Variants in CDCP1 observed in about 807,000 individuals in gnomAD.
The protein encoded by CDCP1 is CUB domain containing protein 1, also known as CUB domain-containing protein 1.
Under a neutral mutation model 60.2 loss-of-function variants are expected in CDCP1, and 29 were observed. The observed-to-expected ratio is 0.48, with a 90% CI of 0.36 to 0.66. The LOEUF (loss-of-function observed/expected upper bound fraction) is 0.66. CDCP1 is among the 30% of genes least tolerant of loss of function. CDCP1 has a pLI of 0.00. For synonymous variants in CDCP1, 387 were observed against 431.1 expected, an observed-to-expected ratio of 0.90 and a Z score of 1.27; for missense variants, 876 against 1,074.3, an observed-to-expected ratio of 0.82 and a Z score of 2.58.
chr3:45,124,855 GAC>G (rs1319183881), intron 1 of CDCP1, among the ~76,000 whole-genome samples: 1 of 152,158 alleles, frequency 6.6e-6, no homozygotes, highest in Non-Finnish European at 1.5e-5. Flanking sequence ...ACCCCAAGGG[GAC>G]ACACACACCA....
intron 2 of CDCP1, among the ~76,000 whole-genome samples, chr3:45,116,999 A>G (rs1449576310): frequency 6.6e-6 from 1 of 152,084 alleles, no homozygotes; most frequent in Non-Finnish European, 1.5e-5. Flanking sequence ...TCTTTTTTCC[A>G]TGAGACTAGT....
chr3:45,133,319 C>CA (rs1699130552), intron 1 of CDCP1, among the ~76,000 whole-genome samples: 2 of 151,650 alleles, frequency 1.3e-5, no homozygotes, highest in African/African-American at 4.8e-5. Flanking sequence ...GAGAACCCAC[C>CA]CGTGCTGTAC....
intron 2 of CDCP1, among the ~76,000 whole-genome samples, chr3:45,116,538 A>G (rs1274666713): frequency 4.5e-4 from 69 of 152,306 alleles, no homozygotes; most frequent in Non-Finnish European, 5.9e-5. Flanking sequence ...TATCGTCTAC[A>G]GCAGATTTCA....
chr3:45,121,151 A>G (rs1242603195), intron 1 of CDCP1, among the ~76,000 whole-genome samples: 2 of 152,166 alleles, frequency 1.3e-5, no homozygotes, highest in African/African-American at 4.8e-5. Context: ...CCCATATTTT[A>G]CTTTCGGCTA....
rs1051123153 is a variant in CDCP1, at chr3:45,091,661, G to A, written c.1628-123C>T. 10 of 1,209,586 alleles carry A rather than the reference G, an allele frequency of 8.3e-6. No individual in the cohort carries two copies. Among genetic ancestry groups the A allele is most frequent in the African/African-American group, 4.6e-5 (3 of 65,138 alleles). The allele number at this position is 1,209,586 out of a possible 1,614,324, so 74.9% of individuals were successfully genotyped here. A position where few individuals can be genotyped will look rare whatever the true frequency, so the allele number is the denominator to read the frequency against. On this transcript the variant is annotated intron_variant, in intron 6 of 8. Transcript: ENST00000296129. This position sits in a 1 kb window ranked among gnomAD's most constrained non-coding sequence, Gnocchi z 4.8. ...AGCGCTGTCTAACCGAACTTTCTGC[G>A]ATGATGGAAATCTTCTAGATCTGCA...
At chr3:45,112,517 T>A in intron 2 of CDCP1, 72 bp from the exon 3 acceptor site, 2 of 1,559,302 alleles carry the variant, frequency 1.3e-6, no homozygotes, top group Non-Finnish European at 1.7e-6. Context: ...CCTCCACCAC[T>A]CAGCCCCCTG....
Position 45,118,576 on chromosome 3 carries a change from A to T in CDCP1, c.128T>A (p.Leu43His). ...ALPRESNITVLIKLGTPTLLA... is the reference protein window; with the variant it reads ...ALPRESNITVHIKLGTPTLLA... Reference sequence around the variant, plus strand: ...CAGAGTCGGGGTCCCCAGCTTTATGAGAACTGTAATGTTGCTTTCTCGTGG... The same window carrying T: ...CAGAGTCGGGGTCCCCAGCTTTATGTGAACTGTAATGTTGCTTTCTCGTGG... The change falls in exon 2 of 9, where the codon CTC becomes CAC. Residue 43 changes from leucine to histidine, a missense_variant. By Grantham distance (99) the Leu-to-His change is moderately conservative. This residue lies in a region of CDCP1 where 150 missense variants were observed against 138.6 expected (regional missense o/e 1.08). Transcript: ENST00000296129. The T allele has an allele frequency of 6.2e-7, 1 of 1,614,116 alleles. No individual in the cohort carries two copies. Among genetic ancestry groups the T allele is most frequent in the Non-Finnish European group, 8.5e-7 (1 of 1,180,032 alleles).
intron 4 of CDCP1, among the ~76,000 whole-genome samples, chr3:45,102,448 G>A (rs1221453725): frequency 6.6e-6 from 1 of 151,810 alleles, no homozygotes; most frequent in Non-Finnish European, 1.5e-5. Flanking sequence ...CTAGCTAGTG[G>A]GTAGGACCCA....
chr3:45,126,170 C>CTTTCTTTCTTT (rs1698992230), intron 1 of CDCP1, among the ~76,000 whole-genome samples: 1 of 142,486 alleles, frequency 7.0e-6, no homozygotes, highest in Non-Finnish European at 1.5e-5. Flanking sequence ...TTCTTTCTTT[C>CTTTCTTTCTTT]TTTCCTTCTT....
Position 45,121,025 on chromosome 3 carries a change from C to T in CDCP1, c.83-2404G>A, listed in dbSNP as rs114181476. Among the ~76,000 whole-genome samples the T allele has an allele frequency of 5.9e-3, 903 of 152,298 alleles. 8 individuals carry two copies. Among genetic ancestry groups the T allele is most frequent in the Non-Finnish European group, 8.1e-3 (550 of 68,020 alleles). Reference sequence around the variant, plus strand: ...TGGTAGCCCCACGACCAAGGCAGTGCCTGATCCCCACGAGGAGACAAAACG... The same window carrying T: ...TGGTAGCCCCACGACCAAGGCAGTGTCTGATCCCCACGAGGAGACAAAACG... On this transcript the variant is annotated intron_variant, in intron 1 of 8. Transcript: ENST00000296129.
chr3:45,090,994 T>C (rs542476619), intron 7 of CDCP1, among the ~76,000 whole-genome samples, 179 bp downstream of exon 7: 2 of 152,206 alleles, frequency 1.3e-5, no homozygotes, highest in Non-Finnish European at 2.9e-5. Flanking sequence ...AGATGGCTGC[T>C]ACTAAGCCAC....
chr3:45,141,740 G>A (rs753865475), intron 1 of CDCP1, among the ~76,000 whole-genome samples: 5 of 152,138 alleles, frequency 3.3e-5, no homozygotes, highest in Non-Finnish European at 5.9e-5. Context: ...CAGCTGCCCG[G>A]GAGATGAAAA....
chr3:45,126,402 G>A (rs1037251299), intron 1 of CDCP1, among the ~76,000 whole-genome samples: 1 of 151,964 alleles, frequency 6.6e-6, no homozygotes, highest in African/African-American at 2.4e-5. Context: ...GCTGTGGGAG[G>A]GGTGGGGGTG....
At chr3:45,107,000 G>A (rs1576092119) in intron 4 of CDCP1, among the ~76,000 whole-genome samples, 1 of 152,232 alleles carries the variant, frequency 6.6e-6, no homozygotes, top group East Asian at 1.9e-4. Flanking sequence ...TGGCACAGAT[G>A]GGGCCTCCTG....
intron 4 of CDCP1, among the ~76,000 whole-genome samples, chr3:45,102,744 G>T (rs370913245): frequency 6.6e-6 from 1 of 151,642 alleles, no homozygotes; most frequent in Non-Finnish European, 1.5e-5. Flanking sequence ...CACTGCAGCC[G>T]CCGCCTCCTG....
At chr3:45,114,894 A>G (rs954717046) in intron 2 of CDCP1, among the ~76,000 whole-genome samples, 1 of 152,232 alleles carries the variant, frequency 6.6e-6, no homozygotes, top group Non-Finnish European at 1.5e-5. Context: ...ATCATTTTCA[A>G]AAGTTGTGAG....
chr3:45,140,601 T>C (rs1699272860), intron 1 of CDCP1, among the ~76,000 whole-genome samples: 1 of 152,174 alleles, frequency 6.6e-6, no homozygotes, highest in Non-Finnish European at 1.5e-5. Flanking sequence ...TAGGGAGCCC[T>C]GGCAAGTCAC....
At chr3:45,087,671 T>G (rs1698218009) in intron 8 of CDCP1, among the ~76,000 whole-genome samples, 1 of 152,212 alleles carries the variant, frequency 6.6e-6, no homozygotes, top group African/African-American at 2.4e-5. Context: ...GTAGACAGTC[T>G]TGTTGTAGAC....
chr3:45,131,917 G>A, intron 1 of CDCP1, among the ~76,000 whole-genome samples: 1 of 152,150 alleles, frequency 6.6e-6, no homozygotes, highest in East Asian at 1.9e-4. Context: ...TGTTCTGACA[G>A]GACTGCATTT....
Sources: allele counts gnomAD v4.1 joint callset (sites outside exome capture counted in the v4.1 genomes callset), GRCh38; gene constraint gnomAD v4.1.1; regional missense constraint gnomAD v4.1.1; non-coding constraint Gnocchi (gnomAD v3.1); transcripts MANE v1.5; gene names NCBI Gene and HGNC (gene_info 2026-07-23, HGNC 2026-07-21).